PLCB4: variants seen among roughly 807,000 people sequenced by gnomAD.
PLCB4 encodes 1-phosphatidylinositol 4,5-bisphosphate phosphodiesterase beta-4.
A neutral mutation model predicts 178.8 loss-of-function variants in PLCB4; 77 were observed. The observed-to-expected ratio is 0.43, with a 90% CI of 0.36 to 0.52. The LOEUF (loss-of-function observed/expected upper bound fraction) is 0.52. Ranked by LOEUF, PLCB4 falls within the 20% of genes least tolerant of loss-of-function variation. PLCB4 has a pLI of 0.00. For synonymous variants in PLCB4, 496 were observed against 490.8 expected, an observed-to-expected ratio of 1.01 and a Z score of -0.14; for missense variants, 1,024 against 1,453.4, an observed-to-expected ratio of 0.70 and a Z score of 4.80.
chr20:9,234,572 G>A (rs892018103), intron 3 of PLCB4, among the ~76,000 whole-genome samples: 1 of 152,070 alleles, frequency 6.6e-6, no homozygotes, highest in Non-Finnish European at 1.5e-5. Context: ...TAGTTCATTG[G>A]GTCAAATGCT....
chr20:9,263,137 G>T (rs535620275), intron 3 of PLCB4, among the ~76,000 whole-genome samples: 1 of 152,126 alleles, frequency 6.6e-6, no homozygotes, highest in Admixed American at 6.5e-5. Flanking sequence ...AAGCTGATCG[G>T]CTCATGTGCT....
intron 3 of PLCB4, among the ~76,000 whole-genome samples, chr20:9,294,245 G>GTGAC (rs1182686693): frequency 6.6e-6 from 1 of 152,126 alleles, no homozygotes; most frequent in African/African-American, 2.4e-5. Context: ...AGTTATTTAA[G>GTGAC]TGACTGTGAA....
rs544788737 is a variant in PLCB4, at chr20:9,448,171, G to A, written c.2880+3928G>A. On this transcript the variant is annotated intron_variant, in intron 32 of 39. Coordinates refer to ENST00000378473, the MANE Select transcript of PLCB4 (RefSeq NM_001377142.1). ...GCCCTTAGTAGAAACCCCACTAATC[G>A]CCTGCAAAGACACTTATCAAGCCTC... 7.2e-5 allele frequency among the ~76,000 whole-genome samples: 11 copies of A among 151,970 alleles called. No individual in the cohort carries two copies. In the Middle Eastern group the frequency reaches 0.014, roughly 188 times the overall value.
chr20:9,135,776 G>A (rs1568816441), intron 2 of PLCB4, among the ~76,000 whole-genome samples: 2 of 152,036 alleles, frequency 1.3e-5, no homozygotes, highest in African/African-American at 4.8e-5. Context: ...GTATAGAAAA[G>A]CACATTTTGC....
chr20:9,168,207 G>T (rs577681280), intron 2 of PLCB4, among the ~76,000 whole-genome samples: 1 of 152,298 alleles, frequency 6.6e-6, no homozygotes, highest in African/African-American at 2.4e-5. Flanking sequence ...TTCAACACAA[G>T]TTCAACTGTG....
chr20:9,298,983 C>T (rs2094672730), intron 3 of PLCB4, among the ~76,000 whole-genome samples: 1 of 151,984 alleles, frequency 6.6e-6, no homozygotes, highest in South Asian at 2.1e-4. Flanking sequence ...ATTCCAGTAC[C>T]ATCACAATCA....
chr20:9,086,608 C>T (rs1367898864), intron 1 of PLCB4, among the ~76,000 whole-genome samples: 3 of 152,188 alleles, frequency 2.0e-5, no homozygotes, highest in Admixed American at 2.0e-4. Context: ...CAGCTGGAGT[C>T]AGACCCTGCT....
At chr20:9,342,401 G>T (rs564300028) in intron 7 of PLCB4, among the ~76,000 whole-genome samples, 1 of 152,156 alleles carries the variant, frequency 6.6e-6, no homozygotes, top group Non-Finnish European at 1.5e-5. Context: ...TAGCCTAGGA[G>T]CCTAGAATCA....
intron 25 of PLCB4, among the ~76,000 whole-genome samples, chr20:9,412,153 A>G (rs565383135): frequency 6.6e-6 from 1 of 152,356 alleles, no homozygotes; most frequent in South Asian, 2.1e-4. Context: ...GTAGCTGGGA[A>G]GAGAAAGATC....
At chr20:9,396,432 T>C (rs2038591102) in intron 19 of PLCB4, among the ~76,000 whole-genome samples, 2 of 152,248 alleles carry the variant, frequency 1.3e-5, no homozygotes, top group South Asian at 4.1e-4. Flanking sequence ...TCTGTGTAGC[T>C]AGATAATTTT....
chr20:9,382,876 A>G (rs2037261269), intron 13 of PLCB4, among the ~76,000 whole-genome samples: 1 of 152,188 alleles, frequency 6.6e-6, no homozygotes, highest in African/African-American at 2.4e-5. Context: ...CTCTAAAAGT[A>G]CTTGCTCTTT....
chr20:9,140,274 C>T (rs569895883), intron 2 of PLCB4, among the ~76,000 whole-genome samples: 1 of 152,034 alleles, frequency 6.6e-6, no homozygotes. Context: ...AGCCACATCC[C>T]CTGTCCGTCT....
intron 1 of PLCB4, among the ~76,000 whole-genome samples, chr20:9,076,430 G>A (rs2089869996): frequency 6.6e-6 from 1 of 152,098 alleles, no homozygotes; most frequent in African/African-American, 2.4e-5. Context: ...TCACATAACT[G>A]CACTTCAGCC....
intron 15 of PLCB4, 31 bp from the exon 16 acceptor site, chr20:9,389,848 C>G (rs1329241803): frequency 0.016 from 15,914 of 964,836 alleles, no homozygotes; most frequent in Non-Finnish European, 0.023. Flanking sequence ...TTGCTCTTTT[C>G]TCTCATTAAC....
chr20:9,368,029 G>A (rs931806132), intron 9 of PLCB4, among the ~76,000 whole-genome samples: 1 of 152,140 alleles, frequency 6.6e-6, no homozygotes, highest in South Asian at 2.1e-4. Flanking sequence ...GCTGCCAAGA[G>A]TTAGTTGGAA....
At chr20:9,447,360 G>A (rs545985170) in intron 32 of PLCB4, among the ~76,000 whole-genome samples, 8 of 152,288 alleles carry the variant, frequency 5.3e-5, no homozygotes, top group African/African-American at 1.9e-4. Flanking sequence ...GCAGATGGGG[G>A]ACTGGCTGAT....
chr20:9,169,812 A>G (rs2093034614), intron 2 of PLCB4, among the ~76,000 whole-genome samples: 1 of 152,072 alleles, frequency 6.6e-6, no homozygotes, highest in East Asian at 1.9e-4. Flanking sequence ...ACAGCTGTGT[A>G]TTCACCTCCT....
At chr20:9,137,366 T>C (rs117497552) in intron 2 of PLCB4, among the ~76,000 whole-genome samples, 4 of 152,090 alleles carry the variant, frequency 2.6e-5, no homozygotes, top group Non-Finnish European at 4.4e-5. Context: ...GCATAAATCG[T>C]ACTCAAGCCC....
At chr20:9,223,782 G>A (rs555176689) in intron 3 of PLCB4, among the ~76,000 whole-genome samples, 43 of 152,290 alleles carry the variant, frequency 2.8e-4, no homozygotes, top group African/African-American at 6.7e-4. Context: ...TAGGGGTTAC[G>A]TCCCAAGACC....
Sources: gnomAD v4.1 joint callset for allele counts (sites outside exome capture counted in the v4.1 genomes callset) on GRCh38, gnomAD v4.1.1 for gene constraint, MANE v1.5 for transcripts, NCBI Gene and HGNC (gene_info 2026-07-23, HGNC 2026-07-21) for gene names.